Variants in HNRNPR observed in about 807,000 individuals in gnomAD.
The protein encoded by HNRNPR is heterogeneous nuclear ribonucleoprotein R.
Under a neutral mutation model 70.3 loss-of-function variants are expected in HNRNPR, and 4 were observed. That is an observed-to-expected ratio of 0.06 (90% CI 0.03 to 0.13). The LOEUF (loss-of-function observed/expected upper bound fraction) is 0.13. Ranked by LOEUF, HNRNPR falls within the 10% of genes least tolerant of loss-of-function variation. HNRNPR has a pLI of 1.00. For synonymous variants in HNRNPR, 241 were observed against 267.6 expected, an observed-to-expected ratio of 0.90 and a Z score of 0.97; for missense variants, 423 against 788.5, an observed-to-expected ratio of 0.54 and a Z score of 5.55.
chr1:23,336,159 T>TCA (rs1340565598), intron 4 of HNRNPR, among the ~76,000 whole-genome samples: 5 of 144,964 alleles, frequency 3.4e-5, no homozygotes, highest in Admixed American at 1.4e-4. Flanking sequence ...ATATGGTGGC[T>TCA]CACACCTGTA....
At chr1:23,314,816 G>A (rs1024487787) in intron 8 of HNRNPR, among the ~76,000 whole-genome samples, 12 of 152,024 alleles carry the variant, frequency 7.9e-5, no homozygotes, top group African/African-American at 2.2e-4. Context: ...CTACCCTTTG[G>A]CCCACAATTC....
intron 4 of HNRNPR, among the ~76,000 whole-genome samples, chr1:23,337,298 A>G (rs949652621): frequency 2.0e-5 from 3 of 152,168 alleles, no homozygotes; most frequent in African/African-American, 7.2e-5. Context: ...TTGAGTGTCG[A>G]TCCCCAAAAT....
chr1:23,312,651 A>G (rs585180), intron 9 of HNRNPR, among the ~76,000 whole-genome samples: 9,127 of 152,228 alleles, frequency 0.06, 894 homozygotes, highest in African/African-American at 0.21. Context: ...TGAGCAAGCC[A>G]ATTAATTATA....
At chr1:23,323,915 T>C (rs1229534127) in intron 5 of HNRNPR, among the ~76,000 whole-genome samples, 183 bp from the exon 6 acceptor site, 1 of 152,176 alleles carries the variant, frequency 6.6e-6, no homozygotes, top group Non-Finnish European at 1.5e-5. Context: ...GACCTTAGGG[T>C]TATCAAAGAA....
At chr1:23,342,674 C>T (rs1325576527) in intron 1 of HNRNPR, among the ~76,000 whole-genome samples, 1 of 152,216 alleles carries the variant, frequency 6.6e-6, no homozygotes, top group African/African-American at 2.4e-5. Flanking sequence ...CCCATCCCCA[C>T]ATACTACCTT....
At chr1:23,335,468 G>C (rs1172230657) in intron 4 of HNRNPR, among the ~76,000 whole-genome samples, 1 of 152,208 alleles carries the variant, frequency 6.6e-6, no homozygotes, top group Non-Finnish European at 1.5e-5. Flanking sequence ...TGAGAACAAA[G>C]CTTCATCTGT....
intron 5 of HNRNPR, among the ~76,000 whole-genome samples, chr1:23,330,941 T>C (rs1205345557): frequency 6.6e-6 from 1 of 152,224 alleles, no homozygotes; most frequent in Non-Finnish European, 1.5e-5. Flanking sequence ...ACCAATTTAT[T>C]ATATCTACTA....
At chr1:23,311,113 T>C (rs768763134) in intron 10 of HNRNPR, 47 bp from the exon 11 acceptor site, 90 of 1,608,482 alleles carry the variant, frequency 5.6e-5, no homozygotes, top group South Asian at 3.0e-4. Flanking sequence ...TCAGTTTGCT[T>C]CAAGACTCTG....
intron 1 of HNRNPR, among the ~76,000 whole-genome samples, chr1:23,342,979 A>C (rs964658548): frequency 6.6e-6 from 1 of 152,274 alleles, no homozygotes; most frequent in Non-Finnish European, 1.5e-5. Flanking sequence ...TAAAATAATT[A>C]GATTCCAGAA....
intron 9 of HNRNPR, chr1:23,311,956 T>C (rs1356751830): frequency 3.3e-5 from 5 of 152,244 alleles, no homozygotes; most frequent in Admixed American, 6.5e-5. Context: ...ACTCAAGCAA[T>C]TATGTAGAAA....
intron 8 of HNRNPR, among the ~76,000 whole-genome samples, chr1:23,317,384 G>A (rs1237097319): frequency 6.6e-6 from 1 of 152,018 alleles, no homozygotes; most frequent in Admixed American, 6.6e-5. Context: ...CGTGAACCCA[G>A]GAGGCAGAGC....
intron 5 of HNRNPR, 49 bp from the exon 6 acceptor site, chr1:23,323,781 G>A (rs766754298): frequency 6.6e-7 from 1 of 1,512,038 alleles, no homozygotes; most frequent in South Asian, 1.1e-5. Context: ...TTTGATTTTA[G>A]AGCCATAAAG....
At chr1:23,324,686 A>C (rs1388259672) in intron 5 of HNRNPR, among the ~76,000 whole-genome samples, 1 of 152,116 alleles carries the variant, frequency 6.6e-6, no homozygotes, top group East Asian at 1.9e-4. Flanking sequence ...ATGAAAAAAA[A>C]CCTCTTCACC....
intron 5 of HNRNPR, among the ~76,000 whole-genome samples, chr1:23,326,481 A>C (rs1271813333): frequency 6.6e-6 from 1 of 152,118 alleles, no homozygotes; most frequent in East Asian, 1.9e-4. Flanking sequence ...ACTTCTAATA[A>C]CCAAATTCAA....
At chr1:23,335,633 A>T (rs1018287136) in intron 4 of HNRNPR, among the ~76,000 whole-genome samples, 1 of 152,060 alleles carries the variant, frequency 6.6e-6, no homozygotes, top group Non-Finnish European at 1.5e-5. Flanking sequence ...CATGCTCCTT[A>T]TGAGAATCTA....
chr1:23,323,803 T>G, intron 5 of HNRNPR, 71 bp from the exon 6 acceptor site: 2 of 1,266,692 alleles, frequency 1.6e-6, no homozygotes, highest in Non-Finnish European at 2.3e-6. Context: ...CTACTGCCTT[T>G]TTTTTTTAAA....
chr1:23,326,070 T>C (rs1428599689), intron 5 of HNRNPR, among the ~76,000 whole-genome samples: 1 of 152,156 alleles, frequency 6.6e-6, no homozygotes, highest in African/African-American at 2.4e-5. Flanking sequence ...GCTCTCACTA[T>C]GATGCTCAGG....
intron 5 of HNRNPR, among the ~76,000 whole-genome samples, chr1:23,332,701 C>CAAA (rs565860178): frequency 1.1e-5 from 1 of 87,348 alleles, no homozygotes; most frequent in African/African-American, 3.8e-5. Flanking sequence ...AATTCCATCT[C>CAAA]AAAAAAAAAA....
At chr1:23,330,805 C>A (rs569142730) in intron 5 of HNRNPR, among the ~76,000 whole-genome samples, 1 of 152,264 alleles carries the variant, frequency 6.6e-6, no homozygotes, top group South Asian at 2.1e-4. Flanking sequence ...TTTAATACTG[C>A]ACAGTCTCAG....
Sources: gnomAD v4.1 joint callset for allele counts (sites outside exome capture counted in the v4.1 genomes callset) on GRCh38, gnomAD v4.1.1 for gene constraint, MANE v1.5 for transcripts, NCBI Gene and HGNC (gene_info 2026-07-23, HGNC 2026-07-21) for gene names.